ATR: variants seen among roughly 807,000 people sequenced by gnomAD.
ATR encodes the protein serine/threonine-protein kinase ATR.
ATR carries 142 observed loss-of-function variants against 305.3 expected under a neutral mutation model. That is an observed-to-expected ratio of 0.47 (90% CI 0.41 to 0.53). ATR has a LOEUF of 0.53. Ranked by LOEUF, ATR falls within the 20% of genes least tolerant of loss-of-function variation. The probability of loss-of-function intolerance (pLI) is 0.00; values close to 1 mark genes in which losing one functional copy is unlikely to be tolerated. For synonymous variants in ATR, 1,050 were observed against 1,068.1 expected, an observed-to-expected ratio of 0.98 and a Z score of 0.33; for missense variants, 2,135 against 3,133.1, an observed-to-expected ratio of 0.68 and a Z score of 7.60.
chr3:142,570,567 TAGTAGA>T (rs1485083613), intron 1 of ATR, among the ~76,000 whole-genome samples: 1 of 152,196 alleles, frequency 6.6e-6, no homozygotes, highest in Non-Finnish European at 1.5e-5. Flanking sequence ...TGTATATTTT[TAGTAGA>T]GACAGGGTTT....
intron 34 of ATR, among the ~76,000 whole-genome samples, chr3:142,494,172 G>A (rs556829202): frequency 3.9e-5 from 6 of 152,224 alleles, no homozygotes; most frequent in Admixed American, 2.6e-4. Context: ...AAGTAGCCTA[G>A]AGAAGTATAC....
Position 142,578,578 on chromosome 3 carries a change from A to C in ATR, c.59+68T>G. The stretch of plus-strand genomic sequence containing the variant: ...CAGCCATAGCGCAGCAGGGGAGGGG[A>C]GAGCACGTGAAACCCAAGCCGGAAT... On this transcript the variant is annotated intron_variant, in intron 1 of 46. Coordinates refer to ENST00000350721, the MANE Select transcript of ATR (RefSeq NM_001184.4). The C allele has an allele frequency of 2.6e-6, 4 of 1,523,884 alleles. No individual in the cohort carries two copies. In the East Asian group the frequency reaches 7.0e-5, roughly 27 times the overall value. The allele number at this position is 1,523,884 out of a possible 1,614,324, so 94.4% of individuals were successfully genotyped here.
At chr3:142,521,307 CA>C (rs1254692026) in intron 23 of ATR, among the ~76,000 whole-genome samples, 1 of 152,136 alleles carries the variant, frequency 6.6e-6, no homozygotes, top group Non-Finnish European at 1.5e-5. Context: ...TGCTCATTGA[CA>C]ATGTACCTGT....
At chr3:142,475,771 C>A (rs988925457) in intron 36 of ATR, among the ~76,000 whole-genome samples, 15 of 152,294 alleles carry the variant, frequency 9.8e-5, no homozygotes, top group African/African-American at 3.6e-4. Context: ...TGTTTCCTGA[C>A]TTTTTAATGA....
At chr3:142,547,045 A>T (rs951763843) in intron 16 of ATR, among the ~76,000 whole-genome samples, 3 of 152,248 alleles carry the variant, frequency 2.0e-5, no homozygotes, top group African/African-American at 7.2e-5. Flanking sequence ...CCTCTGGCAT[A>T]AATGGGTTAA....
intron 19 of ATR, 122 bp from the exon 20 acceptor site, chr3:142,536,323 A>T: frequency 1.4e-6 from 1 of 704,070 alleles, no homozygotes; most frequent in South Asian, 1.6e-5. Flanking sequence ...TTGATTACTG[A>T]GCTGCAAAGT....
intron 36 of ATR, among the ~76,000 whole-genome samples, chr3:142,481,024 C>T (rs1381803043): frequency 6.6e-6 from 1 of 152,270 alleles, no homozygotes; most frequent in Non-Finnish European, 1.5e-5. Flanking sequence ...TCCCTGACCC[C>T]TTGCACTTCC....
At chr3:142,457,827 G>A (rs995443489) in intron 44 of ATR, 72 bp from the exon 45 acceptor site, 22 of 1,544,876 alleles carry the variant, frequency 1.4e-5, no homozygotes, top group Non-Finnish European at 1.9e-5. Flanking sequence ...AGAACTTCAT[G>A]TCCAGATTCT....
At chr3:142,458,929 A>T (rs2070965668) in intron 44 of ATR, 29 bp downstream of exon 44, 1 of 1,609,474 alleles carries the variant, frequency 6.2e-7, no homozygotes, top group Admixed American at 1.7e-5. Flanking sequence ...GAGAAAACAC[A>T]ATTAGTAAGA....
At chr3:142,452,545 A>G (rs1650500716) in intron 46 of ATR, 2 of 594,052 alleles carry the variant, frequency 3.4e-6, no homozygotes, top group African/African-American at 4.1e-5. Flanking sequence ...GTGGTGGTGC[A>G]CGCTTATAAT....
chr3:142,519,829 T>A, intron 23 of ATR, 45 bp from the exon 24 acceptor site: 1 of 1,331,510 alleles, frequency 7.5e-7, no homozygotes, highest in South Asian at 1.2e-5. Context: ...GTGAAGCAGA[T>A]AACGCTTTAT....
chr3:142,561,512 G>A lies in ATR; in HGVS notation c.1171-91C>T. On this transcript the variant is annotated intron_variant, in intron 4 of 46. Coordinates refer to ENST00000350721, the MANE Select transcript of ATR (RefSeq NM_001184.4). ...AGCAAGAATGTATTAGATGTTAGGT[G>A]TTTTCTAGTGAAACTACTTTTAGAG... is the stretch of plus-strand genomic sequence containing the variant. 1.2e-5 allele frequency: 16 copies of A among 1,334,372 alleles called. No homozygotes were observed. In the South Asian group the frequency reaches 1.9e-4, roughly 15 times the overall value. 82.7% of individuals were successfully genotyped at this position (1,334,372 alleles called of 1,614,324 possible). A position where few individuals can be genotyped will look rare whatever the true frequency, so the allele number is the denominator to read the frequency against.
At chr3:142,575,969 G>A (rs1318380914) in intron 1 of ATR, among the ~76,000 whole-genome samples, 3 of 152,190 alleles carry the variant, frequency 2.0e-5, no homozygotes, top group Non-Finnish European at 4.4e-5. Context: ...GTTTTGTGCA[G>A]GGGAACTTAC....
At chr3:142,465,358 A>G (rs1464349991) in intron 40 of ATR, 118 bp from the exon 41 acceptor site, 2 of 739,182 alleles carry the variant, frequency 2.7e-6, no homozygotes, top group Non-Finnish European at 4.2e-6. Flanking sequence ...TATATTATGT[A>G]GTGAATTTGT....
At chr3:142,530,988 C>G (rs1335869425) in intron 21 of ATR, among the ~76,000 whole-genome samples, 1 of 152,150 alleles carries the variant, frequency 6.6e-6, no homozygotes, top group Admixed American at 6.5e-5. Flanking sequence ...TTTTTTTATA[C>G]AGTCTCATCA....
chr3:142,564,336 T>C (rs1322910818), intron 3 of ATR, among the ~76,000 whole-genome samples: 1 of 151,996 alleles, frequency 6.6e-6, no homozygotes. Flanking sequence ...GGCAAGGTCC[T>C]AGCTTTCCAC....
chr3:142,449,868 A>G (rs2070745997), intron 46 of ATR: 2 of 476,740 alleles, frequency 4.2e-6, no homozygotes, highest in African/African-American at 1.9e-5. Flanking sequence ...ACACATTACA[A>G]TTCTAGAAAA....
intron 36 of ATR, among the ~76,000 whole-genome samples, chr3:142,478,594 T>C (rs557270903): frequency 2.0e-5 from 3 of 152,326 alleles, no homozygotes; most frequent in East Asian, 1.9e-4. Flanking sequence ...GTTCTGTAGA[T>C]GTCTATTAGG....
At chr3:142,544,004 G>A (rs2034164102) in intron 16 of ATR, among the ~76,000 whole-genome samples, 1 of 152,100 alleles carries the variant, frequency 6.6e-6, no homozygotes, top group African/African-American at 2.4e-5. Flanking sequence ...GGTCCTGGAG[G>A]AGAGGGCATG....
Sources: allele counts gnomAD v4.1 joint callset (sites outside exome capture counted in the v4.1 genomes callset), GRCh38; gene constraint gnomAD v4.1.1; transcripts MANE v1.5; gene names NCBI Gene and HGNC (gene_info 2026-07-23, HGNC 2026-07-21).